Variants in OLFM2 observed in about 807,000 individuals in gnomAD.
OLFM2 encodes the protein olfactomedin 2, also known as noelin-2.
In OLFM2, 20 loss-of-function variants were observed where a neutral mutation model predicts 43.9. The observed-to-expected ratio is 0.46, with a 90% CI of 0.32 to 0.66. OLFM2 has a LOEUF of 0.66. OLFM2 is among the 30% of genes least tolerant of loss of function. The probability of loss-of-function intolerance (pLI) is 0.04; values close to 1 mark genes in which losing one functional copy is unlikely to be tolerated. For missense variants in OLFM2, 416 were observed against 643.6 expected, an observed-to-expected ratio of 0.65 and a Z score of 3.83; for synonymous variants, 268 against 278.6, an observed-to-expected ratio of 0.96 and a Z score of 0.38.
chr19:9,913,042 C>T (rs1299916741), intron 1 of OLFM2, among the ~76,000 whole-genome samples: 1 of 151,522 alleles, frequency 6.6e-6, no homozygotes, highest in Non-Finnish European at 1.5e-5. Context: ...TGGAGACACT[C>T]GGAAACCCCT....
intron 1 of OLFM2, among the ~76,000 whole-genome samples, chr19:9,935,983 C>T (rs571161463): frequency 3.3e-4 from 50 of 152,242 alleles, no homozygotes; most frequent in African/African-American, 1.1e-3. Context: ...CCCTCCAATG[C>T]CCCCTGAAGT....
At chr19:9,899,145 A>G (rs1366320165) in intron 1 of OLFM2, among the ~76,000 whole-genome samples, 1 of 151,940 alleles carries the variant, frequency 6.6e-6, no homozygotes, top group African/African-American at 2.4e-5. Context: ...GCCACCTGTA[A>G]TCCCAGCTAC....
At chr19:9,862,030 A>G (rs1599466619) in intron 1 of OLFM2, among the ~76,000 whole-genome samples, 1 of 110,306 alleles carries the variant, frequency 9.1e-6, no homozygotes, top group Admixed American at 8.4e-5. Flanking sequence ...AAAGAAAAAA[A>G]AAAAAAAAAA....
intron 1 of OLFM2, among the ~76,000 whole-genome samples, chr19:9,934,215 G>C (rs1295306705): frequency 3.3e-5 from 5 of 152,192 alleles, no homozygotes; most frequent in Non-Finnish European, 5.9e-5. Context: ...CAACGCCAAG[G>C]GGGTGTATGG....
At chr19:9,873,771 C>T (rs1007949637) in intron 1 of OLFM2, among the ~76,000 whole-genome samples, 5 of 147,564 alleles carry the variant, frequency 3.4e-5, no homozygotes, top group South Asian at 2.1e-4. Flanking sequence ...CTGGGACTAC[C>T]GATGTACACT....
chr19:9,893,771 A>T (rs1346878884), intron 1 of OLFM2, among the ~76,000 whole-genome samples: 1 of 152,176 alleles, frequency 6.6e-6, no homozygotes, highest in Non-Finnish European at 1.5e-5. Flanking sequence ...CAACGCCATC[A>T]TGTAAAATTC....
chr19:9,916,926 G>A (rs186558885), intron 1 of OLFM2, among the ~76,000 whole-genome samples: 5 of 152,138 alleles, frequency 3.3e-5, no homozygotes, highest in East Asian at 3.9e-4. Context: ...TCAGAGACAC[G>A]GTATCACTTC....
chr19:9,926,525 C>G (rs954004431), intron 1 of OLFM2, among the ~76,000 whole-genome samples: 7 of 151,998 alleles, frequency 4.6e-5, no homozygotes, highest in Non-Finnish European at 1.5e-5. Flanking sequence ...GCACTCCAGC[C>G]TGGGACAGAG....
At chr19:9,923,670 A>AAAGGAAAAGAAAAGAAAGAAT (rs1241255575) in intron 1 of OLFM2, among the ~76,000 whole-genome samples, 1 of 144,430 alleles carries the variant, frequency 6.9e-6, no homozygotes, top group East Asian at 1.9e-4. Flanking sequence ...AAAGAAAGAA[A>AAAGGAAAAGAAAAGAAAGAAT]AAAGAAAAGA....
At chr19:9,874,328 CTTTTT>C (rs35985373) in intron 1 of OLFM2, among the ~76,000 whole-genome samples, 3 of 120,260 alleles carry the variant, frequency 2.5e-5, no homozygotes, top group East Asian at 2.4e-4. Context: ...CCCCACTGGC[CTTTTT>C]TTTTTTTTTT....
Position 9,856,941 on chromosome 19 carries a change from G to A in OLFM2, c.581-28C>T. 1.3e-6 allele frequency: 2 copies of A among 1,550,424 alleles called. No individual in the cohort carries two copies. The highest frequency in any genetic ancestry group is 1.8e-6 in the Non-Finnish European group (2 of 1,133,876). On this transcript the variant is annotated intron_variant, in intron 4 of 5. Transcript: ENST00000264833. The surrounding 1 kb of genome is among the most constrained non-coding windows in gnomAD (Gnocchi z 4.0). ...GGGAGGCAGGAACAGGGGGAATGAG[G>A]ATGGGGAAATGAACAGCCCAAGAGA...
In OLFM2 at chr19:9,856,605, G is replaced by T. The variant is rs747092556; in HGVS notation, c.687+202C>A. ...CATTAGCCACTATACAGACACTGGA[G>T]GTCAACAGAGTGGGATTCACAAGGC... On this transcript the variant is annotated intron_variant, in intron 5 of 5. Coordinates refer to ENST00000264833, the MANE Select transcript of OLFM2 (RefSeq NM_058164.4). This position sits in a 1 kb window ranked among gnomAD's most constrained non-coding sequence, Gnocchi z 4.0. Among the ~76,000 whole-genome samples the T allele has an allele frequency of 6.6e-6, 1 of 152,244 alleles. No individual in the cohort carries two copies. Among genetic ancestry groups the T allele is most frequent in the South Asian group, 2.1e-4 (1 of 4,834 alleles).
chr19:9,936,300 C>G lies in OLFM2; in HGVS notation c.63+4G>C. ...GCGCCCGCACCTGCCCGCCGGGCCC[C>G]TACCTGTCCGGCCAGGCCTGAGCAC... On this transcript the variant is annotated splice_donor_region_variant and intron_variant, in intron 1 of 5. Coordinates refer to ENST00000264833, the MANE Select transcript of OLFM2 (RefSeq NM_058164.4). 6.5e-7 allele frequency: 1 copy of G among 1,528,466 alleles called. No individual in the cohort carries two copies. The highest frequency in any genetic ancestry group is 1.4e-5 in the African/African-American group (1 of 72,358). The allele number at this position is 1,528,466 out of a possible 1,614,324, so 94.7% of individuals were successfully genotyped here. A position where few individuals can be genotyped will look rare whatever the true frequency, so the allele number is the denominator to read the frequency against.
Position 9,928,624 on chromosome 19 carries a change from GC to G in OLFM2, c.63+7679del, listed in dbSNP as rs2086466226. On this transcript the variant is annotated intron_variant, in intron 1 of 5. Transcript: ENST00000264833. Reference sequence around the variant, plus strand: ...GTTCAAGACCAGCCTGGGCAACATGGCAAAACCCCGTCTCTATTAAAAATAC... The same window carrying G: ...GTTCAAGACCAGCCTGGGCAACATGGAAAACCCCGTCTCTATTAAAAATAC... 2.0e-5 allele frequency among the ~76,000 whole-genome samples: 3 copies of G among 151,928 alleles called. No homozygotes were observed. The South Asian group carries it at 6.2e-4, about 32-fold the overall frequency.
chr19:9,926,806 CCT>C (rs1452966150), intron 1 of OLFM2, among the ~76,000 whole-genome samples: 1 of 151,034 alleles, frequency 6.6e-6, no homozygotes, highest in Non-Finnish European at 1.5e-5. Flanking sequence ...ATAGTGAGAC[CCT>C]GTCACTACAA....
chr19:9,865,304 G>C (rs2046392439), intron 1 of OLFM2, among the ~76,000 whole-genome samples: 1 of 151,126 alleles, frequency 6.6e-6, no homozygotes. Flanking sequence ...GAGTAGCTGA[G>C]ACTAAAGGCC....
At chr19:9,878,907 C>T (rs1012061333) in intron 1 of OLFM2, among the ~76,000 whole-genome samples, 32 of 152,192 alleles carry the variant, frequency 2.1e-4, no homozygotes, top group African/African-American at 7.7e-4. Flanking sequence ...AGCACAGTGG[C>T]GCAGTCATGG....
At chr19:9,883,447 C>T (rs2046557942) in intron 1 of OLFM2, among the ~76,000 whole-genome samples, 1 of 151,968 alleles carries the variant, frequency 6.6e-6, no homozygotes, top group African/African-American at 2.4e-5. Flanking sequence ...CCTGGGTCAC[C>T]GGAGACCTTT....
chr19:9,884,943 C>T (rs563847680), intron 1 of OLFM2, among the ~76,000 whole-genome samples: 3 of 152,236 alleles, frequency 2.0e-5, no homozygotes, highest in South Asian at 4.1e-4. Flanking sequence ...CCTTCCTCCC[C>T]GACTCCCCAA....
Sources: gnomAD v4.1 joint callset for allele counts (sites outside exome capture counted in the v4.1 genomes callset) on GRCh38, gnomAD v4.1.1 for gene constraint, Gnocchi (gnomAD v3.1) non-coding constraint, MANE v1.5 for transcripts, NCBI Gene and HGNC (gene_info 2026-07-23, HGNC 2026-07-21) for gene names.